The following CHD7 variants were observed in gnomAD, a reference collection of about 807,000 sequenced individuals.
CHD7 encodes ATP-dependent chromatin remodeler CHD7.
A neutral mutation model predicts 307.3 loss-of-function variants in CHD7; 24 were observed. The ratio of observed to expected loss-of-function variants is 0.08; its 90% CI spans 0.06 to 0.11. The LOEUF is 0.11. CHD7 is among the 10% of genes least tolerant of loss of function. CHD7 has a pLI of 1.00. For synonymous variants in CHD7, 1,363 were observed against 1,349.9 expected (o/e 1.01, Z -0.21); for missense variants, 3,106 against 3,727.1 (o/e 0.83, Z 4.34).
At position 60,741,381 on chromosome 8, in the gene CHD7, G is replaced by GC; in HGVS notation, c.-51dup. The GC allele has an allele frequency of 7.4e-7, 1 of 1,354,764 alleles. No individual in the cohort carries two copies. The highest frequency in any genetic ancestry group is 1.0e-6 in the Non-Finnish European group (1 of 980,482). 83.9% of individuals were successfully genotyped at this position (1,354,764 alleles called of 1,614,324 possible). Reference sequence around the variant, plus strand: ...AGGGCAAACACCTCAGTGAAGTGAAGCACAGGCAAGCTCCTGAGCTGTGGT... The same window carrying GC: ...AGGGCAAACACCTCAGTGAAGTGAAGCCACAGGCAAGCTCCTGAGCTGTGGT... On this transcript the variant is annotated 5_prime_UTR_variant, in exon 2 of 38. Coordinates refer to ENST00000423902, the MANE Select transcript of CHD7 (RefSeq NM_017780.4).
At chr8:60,800,863 A>C (rs1812278089) in intron 5 of CHD7, among the ~76,000 whole-genome samples, 2 of 152,078 alleles carry the variant, frequency 1.3e-5, no homozygotes, top group Admixed American at 6.5e-5. Context: ...TTAATAAACC[A>C]CTCAAGCTTG....
intron 34 of CHD7, among the ~76,000 whole-genome samples, chr8:60,858,163 G>A (rs925914683): frequency 6.6e-6 from 1 of 152,220 alleles, no homozygotes; most frequent in Non-Finnish European, 1.5e-5. Flanking sequence ...TGCTGAGGCA[G>A]GAGAATTGCT....
At chr8:60,680,414 GGGCGGC>G (rs1220843543) in intron 1 of CHD7, among the ~76,000 whole-genome samples, 4 of 116,460 alleles carry the variant, frequency 3.4e-5, no homozygotes, top group East Asian at 5.3e-4. Context: ...GGGGGGGCGG[GGGCGGC>G]GGCGGCGGCG....
chr8:60,760,003 A>G (rs149567099), intron 2 of CHD7, among the ~76,000 whole-genome samples: 8 of 152,294 alleles, frequency 5.3e-5, no homozygotes, highest in African/African-American at 1.7e-4. Context: ...ACTGAGTGGT[A>G]AGCATGCATT....
chr8:60,747,683 A>G (rs1015356582), intron 2 of CHD7, among the ~76,000 whole-genome samples: 2 of 152,220 alleles, frequency 1.3e-5, no homozygotes, highest in Non-Finnish European at 2.9e-5. Context: ...TTCTGGTCTC[A>G]CAGACCCTAC....
At chr8:60,813,466 C>A (rs986794964) in intron 7 of CHD7, among the ~76,000 whole-genome samples, 3 of 152,090 alleles carry the variant, frequency 2.0e-5, no homozygotes, top group African/African-American at 7.2e-5. Context: ...TAGTAGGTAT[C>A]CATGCTTTCT....
chr8:60,843,117 C>T (rs1221445726), intron 21 of CHD7, among the ~76,000 whole-genome samples: 1 of 152,254 alleles, frequency 6.6e-6, no homozygotes, highest in East Asian at 1.9e-4. Context: ...TCGCCTCCCT[C>T]TTTCAGTTTG....
At chr8:60,730,566 A>G (rs1186901457) in intron 1 of CHD7, among the ~76,000 whole-genome samples, 1 of 152,186 alleles carries the variant, frequency 6.6e-6, no homozygotes, top group Non-Finnish European at 1.5e-5. Flanking sequence ...TTGGTATAGA[A>G]ATATTAAATG....
At position 60,714,406 on chromosome 8, in the gene CHD7, G is replaced by GCCCCCCCCCCCCCCCCC. The variant is rs71245516; in HGVS notation, c.-174-26848_-174-26832dup. 5.7e-4 allele frequency among the ~76,000 whole-genome samples: 10 copies of GCCCCCCCCCCCCCCCCC among 17,626 alleles called. 2 individuals are homozygous for GCCCCCCCCCCCCCCCCC. The highest frequency in any genetic ancestry group is 1.5e-3 in the Admixed American group (2 of 1,296). The allele number at this position is 17,626 out of a possible 152,430, so 11.6% of individuals were successfully genotyped here. A position where few individuals can be genotyped will look rare whatever the true frequency, so the allele number is the denominator to read the frequency against. ...CTGACAACATGGCGGCCGGGAGAAG[G>GCCCCCCCCCCCCCCCCC]CCCCCCCCCCCCCCCCCCCCCGCCC... On this transcript the variant is annotated intron_variant, in intron 1 of 37. Transcript: ENST00000423902.
intron 2 of CHD7, among the ~76,000 whole-genome samples, chr8:60,766,247 CTTG>C (rs1441223675): frequency 6.6e-6 from 1 of 152,104 alleles, no homozygotes; most frequent in Non-Finnish European, 1.5e-5. Context: ...GGATGTGTAG[CTTG>C]TTGTCTGCTG....
chr8:60,720,092 A>G (rs1347336255), intron 1 of CHD7, among the ~76,000 whole-genome samples: 1 of 152,148 alleles, frequency 6.6e-6, no homozygotes, highest in Non-Finnish European at 1.5e-5. Context: ...TTTTCCTGAA[A>G]TACTGTGGCT....
Position 60,741,640 on chromosome 8 carries a change from G to A in CHD7, c.208G>A (p.Asp70Asn). ...AAATCAAACAAAGCTGACACATTTT[G>A]ATCACTATAATCAGTATGAACAACA... is the stretch of plus-strand genomic sequence containing the variant. ...NQNQTKLTHF[D>N]HYNQYEQQKM... The change falls in exon 2 of 38, where the codon GAT becomes AAT. Residue 70 changes from aspartate (D) to asparagine (N), a missense_variant. By Grantham distance (23) the Asp-to-Asn change is conservative (BLOSUM62 1). Around this residue, in one of 10 missense-constraint regions of CHD7, gnomAD observed 998 missense variants for 1,004.5 expected, o/e 0.99. Transcript: ENST00000423902. 1 of 1,613,696 alleles carries A rather than the reference G, an allele frequency of 6.2e-7. No individual in the cohort carries two copies. Among genetic ancestry groups the A allele is most frequent in the Non-Finnish European group, 8.5e-7 (1 of 1,179,746 alleles).
chr8:60,776,125 T>C (rs1810940191), intron 2 of CHD7, among the ~76,000 whole-genome samples: 1 of 152,220 alleles, frequency 6.6e-6, no homozygotes, highest in Admixed American at 6.5e-5. Flanking sequence ...TTGAATATCC[T>C]TAACTTGTTC....
intron 6 of CHD7, among the ~76,000 whole-genome samples, chr8:60,805,017 A>G (rs1364015258): frequency 1.3e-5 from 2 of 152,230 alleles, no homozygotes; most frequent in Non-Finnish European, 2.9e-5. Flanking sequence ...TGCTCAAGAA[A>G]TAAATCTGAG....
Position 60,816,505 on chromosome 8 carries a change from C to T in CHD7, c.2613+4C>T, listed in dbSNP as rs779615403. On this transcript the variant is annotated splice_donor_region_variant and intron_variant, in intron 8 of 37. Coordinates refer to ENST00000423902, the MANE Select transcript of CHD7 (RefSeq NM_017780.4). Reference sequence around the variant, plus strand: ...CCAGAACAAGTTCCTTTCAGAGGTACGACATACCTGCTTACTTTTCCAAAG... The same window carrying T: ...CCAGAACAAGTTCCTTTCAGAGGTATGACATACCTGCTTACTTTTCCAAAG... 46 of 1,485,554 alleles carry T rather than the reference C, an allele frequency of 3.1e-5. No individual in the cohort carries two copies. Among genetic ancestry groups the T allele is most frequent in the Non-Finnish European group, 3.8e-5 (41 of 1,073,794 alleles). 92.0% of individuals were successfully genotyped at this position (1,485,554 alleles called of 1,614,324 possible).
intron 2 of CHD7, among the ~76,000 whole-genome samples, chr8:60,762,682 C>G (rs1440139056): frequency 6.6e-6 from 1 of 152,186 alleles, no homozygotes; most frequent in African/African-American, 2.4e-5. Flanking sequence ...TACTAGGACT[C>G]TGTTTTTGCT....
intron 23 of CHD7, among the ~76,000 whole-genome samples, chr8:60,845,860 C>T (rs1487522427): frequency 1.3e-5 from 2 of 152,210 alleles, no homozygotes; most frequent in Non-Finnish European, 2.9e-5. Flanking sequence ...AATATAAACA[C>T]TGTATCAATT....
intron 2 of CHD7, 52 bp downstream of exon 2, chr8:60,743,149 C>G: frequency 1.4e-6 from 2 of 1,480,666 alleles, no homozygotes; most frequent in Non-Finnish European, 1.9e-6. Context: ...TTCAACATGG[C>G]TAACTTGTCT....
intron 6 of CHD7, among the ~76,000 whole-genome samples, chr8:60,805,425 C>T (rs1192420748): frequency 2.0e-5 from 3 of 152,178 alleles, no homozygotes; most frequent in Non-Finnish European, 2.9e-5. Flanking sequence ...CCCTGGGACA[C>T]TTCTGTACCA....
Sources: gnomAD v4.1 joint callset for allele counts (sites outside exome capture counted in the v4.1 genomes callset) on GRCh38, gnomAD v4.1.1 for gene constraint, gnomAD v4.1.1 regional missense constraint, MANE v1.5 for transcripts, NCBI Gene and HGNC (gene_info 2026-07-23, HGNC 2026-07-21) for gene names.